SEM1: variants seen among roughly 807,000 people sequenced by gnomAD.
SEM1 encodes SEM1 26S proteasome subunit, also known as 26S proteasome complex subunit SEM1.
SEM1 carries 3 observed loss-of-function variants against 12.7 expected under a neutral mutation model. That is an observed-to-expected ratio of 0.24 (90% CI 0.11 to 0.61). SEM1 has a LOEUF of 0.61. Among genes scored for constraint, SEM1 ranks in the 20% least tolerant of loss-of-function variants. SEM1 has a pLI of 0.88. For missense variants in SEM1, 59 were observed against 81.3 expected, an observed-to-expected ratio of 0.73 and a Z score of 1.06; for synonymous variants, 30 against 27.8, an observed-to-expected ratio of 1.08 and a Z score of -0.25.
intron 2 of SEM1, among the ~76,000 whole-genome samples, chr7:96,560,089 T>C (rs980692029): frequency 6.6e-6 from 1 of 152,232 alleles, no homozygotes; most frequent in Non-Finnish European, 1.5e-5. Flanking sequence ...ATAATCCACA[T>C]GTGGCACGTA....
At chr7:96,486,510 C>T in intron 1 of SEM1, 1 of 1,003,832 alleles carries the variant, frequency 1.0e-6, no homozygotes, top group Non-Finnish European at 1.5e-6. Context: ...TGTGTCTTCT[C>T]ATTACTGGAT....
intron 2 of SEM1, among the ~76,000 whole-genome samples, chr7:96,549,086 G>A (rs1035954645): frequency 6.6e-6 from 1 of 152,126 alleles, no homozygotes; most frequent in Non-Finnish European, 1.5e-5. Context: ...GAGTCTTGCT[G>A]GCAAGAGGTA....
chr7:96,543,014 A>G (rs1292031512), intron 2 of SEM1, among the ~76,000 whole-genome samples: 3 of 151,986 alleles, frequency 2.0e-5, no homozygotes, highest in African/African-American at 4.8e-5. Flanking sequence ...TATGTTTTCA[A>G]TGATGACATA....
intron 2 of SEM1, chr7:96,649,519 T>C (rs545292244): frequency 1.3e-5 from 2 of 152,316 alleles, no homozygotes; most frequent in South Asian, 4.1e-4. Context: ...TGACCAACAC[T>C]GAAGACAGCC....
upstream of SEM1, among the ~76,000 whole-genome samples, chr7:96,500,172 A>G (rs776787776): frequency 1.6e-4 from 25 of 151,954 alleles, no homozygotes; most frequent in Non-Finnish European, 3.2e-4. Flanking sequence ...TACAAACAAC[A>G]CTGGACTAAA....
chr7:96,620,760 C>T (rs150216691), downstream of SEM1, among the ~76,000 whole-genome samples: 34 of 152,322 alleles, frequency 2.2e-4, no homozygotes, highest in East Asian at 6.4e-3. Flanking sequence ...CGCATGTACT[C>T]CTTGCCTCTA....
chr7:96,600,392 G>C (rs1807162348), intron 2 of SEM1, among the ~76,000 whole-genome samples: 1 of 152,158 alleles, frequency 6.6e-6, no homozygotes, highest in Admixed American at 6.6e-5. Context: ...TAGCAGAAGG[G>C]GAGGAACCAA....
At chr7:96,613,023 C>T (rs1395554212) in intron 2 of SEM1, among the ~76,000 whole-genome samples, 4 of 152,078 alleles carry the variant, frequency 2.6e-5, no homozygotes, top group African/African-American at 7.2e-5. Flanking sequence ...GTCATCTGTA[C>T]CTGCAAACTA....
upstream of SEM1, among the ~76,000 whole-genome samples, chr7:96,497,664 C>G (rs1441786365): frequency 6.6e-6 from 1 of 151,964 alleles, no homozygotes; most frequent in East Asian, 1.9e-4. Context: ...TCCTCCCACC[C>G]TGAGCAACTG....
chr7:96,632,103 G>T (rs558058791), intron 2 of SEM1, among the ~76,000 whole-genome samples: 1 of 152,196 alleles, frequency 6.6e-6, no homozygotes, highest in East Asian at 1.9e-4. Context: ...TACACTGTTG[G>T]TGGGAGTGTA....
chr7:96,592,315 T>C (rs929477620), intron 2 of SEM1, among the ~76,000 whole-genome samples: 1 of 151,940 alleles, frequency 6.6e-6, no homozygotes, highest in Non-Finnish European at 1.5e-5. Context: ...TGTGATTTGA[T>C]CCAGCCAAAC....
intron 2 of SEM1, among the ~76,000 whole-genome samples, chr7:96,538,961 G>T (rs942702688): frequency 1.3e-5 from 2 of 151,818 alleles, no homozygotes; most frequent in African/African-American, 4.8e-5. Flanking sequence ...AACCTGCTAT[G>T]GTTGCTATAA....
At chr7:96,514,492 T>G (rs11768577) in intron 2 of SEM1, among the ~76,000 whole-genome samples, 23,433 of 151,018 alleles carry the variant, frequency 0.16, 1,859 homozygotes, top group Middle Eastern at 0.27. Flanking sequence ...TCTTCACAGA[T>G]GACATGATTG....
intron 2 of SEM1, among the ~76,000 whole-genome samples, chr7:96,643,574 G>T (rs966153357): frequency 4.6e-5 from 7 of 151,962 alleles, no homozygotes; most frequent in African/African-American, 1.4e-4. Context: ...ATTAATGATA[G>T]ACTGGCTAAA....
intron 2 of SEM1, among the ~76,000 whole-genome samples, chr7:96,582,191 A>T (rs1806433797): frequency 1.3e-5 from 2 of 151,416 alleles, no homozygotes; most frequent in East Asian, 1.9e-4. Flanking sequence ...AGGGTTGTTG[A>T]ATTTTGTCAA....
At chr7:96,632,777 G>GTTTTTTTTTTTTT (rs1437758372) in intron 2 of SEM1, among the ~76,000 whole-genome samples, 2 of 99,048 alleles carry the variant, frequency 2.0e-5, no homozygotes, top group African/African-American at 3.2e-5. Context: ...TTTTTTTGTT[G>GTTTTTTTTTTTTT]TTTTTTGTTT....
In SEM1 at chr7:96,709,783, C is replaced by T. The variant is rs779725976; in HGVS notation, c.-20G>A. ...TGACATCTCGACTGTCCGCGCCCAA[C>T]ACCTCCCAGATAAGCAGAAAAGTTG... On this transcript the variant is annotated 5_prime_UTR_variant, in exon 1 of 3. Transcript: ENST00000248566. The T allele has an allele frequency of 1.2e-6, 2 of 1,613,160 alleles. No individual in the cohort carries two copies. The highest frequency in any genetic ancestry group is 1.7e-6 in the Non-Finnish European group (2 of 1,179,372).
chr7:96,590,775 A>T (rs1198249895), intron 2 of SEM1, among the ~76,000 whole-genome samples: 3 of 152,202 alleles, frequency 2.0e-5, no homozygotes, highest in African/African-American at 7.2e-5. Flanking sequence ...GAGCAGGTAG[A>T]TTCGCCATTG....
At chr7:96,486,800 A>G (rs1802788524) in intron 1 of SEM1, among the ~76,000 whole-genome samples, 2 of 152,220 alleles carry the variant, frequency 1.3e-5, no homozygotes, top group African/African-American at 4.8e-5. Context: ...GTAGTTGCAG[A>G]AAGAGTTCTT....
Sources: allele counts gnomAD v4.1 joint callset (sites outside exome capture counted in the v4.1 genomes callset), GRCh38; gene constraint gnomAD v4.1.1; transcripts MANE v1.5; gene names NCBI Gene and HGNC (gene_info 2026-07-23, HGNC 2026-07-21).